RIMS2: variants seen among roughly 807,000 people sequenced by gnomAD.
The protein encoded by RIMS2 is regulating synaptic membrane exocytosis protein 2.
Under a neutral mutation model 174.4 loss-of-function variants are expected in RIMS2, and 59 were observed. That is an observed-to-expected ratio of 0.34 (90% confidence interval 0.27 to 0.42). The LOEUF (loss-of-function observed/expected upper bound fraction) is 0.42. RIMS2 is among the 10% of genes least tolerant of loss of function. RIMS2 has a pLI of 1.00. For synonymous variants in RIMS2, 606 were observed against 572.5 expected (o/e 1.06, Z -0.84); for missense variants, 1,620 against 1,666.3 (o/e 0.97, Z 0.48).
At chr8:103,590,186 T>C (rs2094180465) in intron 1 of RIMS2, among the ~76,000 whole-genome samples, 1 of 151,376 alleles carries the variant, frequency 6.6e-6, no homozygotes, top group Non-Finnish European at 1.5e-5. Flanking sequence ...AAACATATCA[T>C]GTATCCCATA....
At chr8:103,859,633 G>C (rs2099047927) in intron 3 of RIMS2, among the ~76,000 whole-genome samples, 1 of 151,878 alleles carries the variant, frequency 6.6e-6, no homozygotes, top group Non-Finnish European at 1.5e-5. Flanking sequence ...GGAAAGGAGT[G>C]TTTATCTAGT....
intron 19 of RIMS2, among the ~76,000 whole-genome samples, chr8:104,085,243 C>T (rs1192477174): frequency 6.6e-6 from 1 of 152,208 alleles, no homozygotes. Flanking sequence ...TCCTATTCTC[C>T]TTTCTTAGAG....
intron 19 of RIMS2, among the ~76,000 whole-genome samples, chr8:104,019,830 A>G (rs918983714): frequency 2.6e-5 from 4 of 152,158 alleles, no homozygotes; most frequent in Admixed American, 6.5e-5. Context: ...TGTATCTCAT[A>G]TAGTCCATAC....
At chr8:104,184,957 A>G (rs2098960393) in intron 19 of RIMS2, among the ~76,000 whole-genome samples, 1 of 151,426 alleles carries the variant, frequency 6.6e-6, no homozygotes, top group Non-Finnish European at 1.5e-5. Flanking sequence ...GGTCTATGGA[A>G]TGCTTTTTTG....
intron 14 of RIMS2, among the ~76,000 whole-genome samples, chr8:103,955,221 A>G (rs985986169): frequency 1.3e-5 from 2 of 152,218 alleles, no homozygotes; most frequent in South Asian, 4.1e-4. Context: ...AACAGTAGAA[A>G]AAGAGGGAAT....
chr8:104,014,721 T>C, intron 19 of RIMS2, 106 bp downstream of exon 21: 1 of 613,812 alleles, frequency 1.6e-6, no homozygotes, highest in East Asian at 2.8e-5. Context: ...TTGTTAATTG[T>C]ATGCCTTGTC....
In RIMS2 at chr8:103,966,977, A is replaced by C. The variant is rs145712856; in HGVS notation, c.2770+5844A>C. On this transcript the variant is annotated intron_variant, in intron 15 of 23. Transcript: ENST00000504942. ...AGAGCAGCATTGTATGTTTTAAAAA[A>C]TTTGCTAAGGTGTGTTTTATGGCCC... Among the ~76,000 whole-genome samples, 353 of 152,018 alleles carry C rather than the reference A, an allele frequency of 2.3e-3. 2 individuals are homozygous for C. Among genetic ancestry groups the C allele is most frequent in the African/African-American group, 8.1e-3 (336 of 41,474 alleles).
chr8:103,874,059 C>T (rs545291115), intron 3 of RIMS2, among the ~76,000 whole-genome samples: 4 of 151,978 alleles, frequency 2.6e-5, no homozygotes, highest in Admixed American at 6.6e-5. Flanking sequence ...TCCTGTAAAG[C>T]GACCTAGAAC....
chr8:103,863,403 G>A (rs909140693), intron 3 of RIMS2, among the ~76,000 whole-genome samples: 5 of 151,970 alleles, frequency 3.3e-5, no homozygotes, highest in African/African-American at 9.7e-5. Context: ...ATATTGGCCC[G>A]AAGTTTTCTT....
chr8:104,132,566 A>C (rs1163943429), intron 19 of RIMS2, among the ~76,000 whole-genome samples: 1 of 152,198 alleles, frequency 6.6e-6, no homozygotes, highest in Non-Finnish European at 1.5e-5. Flanking sequence ...GAAAGCAAAA[A>C]TGTTGACCGG....
chr8:103,573,309 C>G lies in RIMS2; in HGVS notation c.176+72247C>G, dbSNP rs1428135368. On this transcript the variant is annotated intron_variant, in intron 1 of 23. Transcript: ENST00000504942. ...GAACTCCTGACCTCAAGTGATCCAC[C>G]TGTATCAGCCTCCAAAAGTGTTGGG... 3.9e-5 allele frequency among the ~76,000 whole-genome samples: 6 copies of G among 152,208 alleles called. No homozygotes were observed. The East Asian group carries it at 1.2e-3, about 29-fold the overall frequency.
intron 1 of RIMS2, among the ~76,000 whole-genome samples, chr8:103,571,858 C>T (rs1305764420): frequency 6.6e-6 from 1 of 152,134 alleles, no homozygotes; most frequent in Non-Finnish European, 1.5e-5. Context: ...GTCTGTTCTG[C>T]AACTGGGAAA....
intron 1 of RIMS2, among the ~76,000 whole-genome samples, chr8:103,544,955 G>C (rs1055337569): frequency 2.0e-5 from 3 of 152,162 alleles, no homozygotes; most frequent in African/African-American, 7.2e-5. Context: ...AAAAACCAGT[G>C]CAAGAACTCT....
At chr8:103,788,993 T>G (rs1311190890) in intron 3 of RIMS2, among the ~76,000 whole-genome samples, 2 of 152,156 alleles carry the variant, frequency 1.3e-5, no homozygotes, top group Non-Finnish European at 2.9e-5. Context: ...TTTTAAGCCC[T>G]TCGGAAAAGC....
At chr8:103,891,436 A>G (rs756279391) in intron 4 of RIMS2, among the ~76,000 whole-genome samples, 1 of 152,072 alleles carries the variant, frequency 6.6e-6, no homozygotes, top group Non-Finnish European at 1.5e-5. Context: ...TGAACTTTTC[A>G]TTAGATATAT....
In RIMS2 at chr8:103,697,067, T is replaced by C. The variant is rs746338269; in HGVS notation, c.177-19T>C. 6.3e-7 allele frequency: 1 copy of C among 1,582,078 alleles called. No individual in the cohort carries two copies. Among genetic ancestry groups the C allele is most frequent in the Admixed American group, 1.7e-5 (1 of 59,662 alleles). ...ATCATCAGGAAACCAACTTTTTTTC[T>C]TATCTATTTTCTCTGCAGAAAACTG... On this transcript the variant is annotated intron_variant, in intron 1 of 23. Transcript: ENST00000504942.
At chr8:104,124,740 C>T (rs1331729494) in intron 19 of RIMS2, among the ~76,000 whole-genome samples, 1 of 151,926 alleles carries the variant, frequency 6.6e-6, no homozygotes, top group Non-Finnish European at 1.5e-5. Context: ...GGCTTTTTGC[C>T]CAGATGCCTT....
At chr8:103,635,132 CTTGT>C (rs1372454976) in intron 1 of RIMS2, among the ~76,000 whole-genome samples, 4 of 152,050 alleles carry the variant, frequency 2.6e-5, no homozygotes, top group African/African-American at 9.7e-5. Context: ...TATTATGTTG[CTTGT>C]TTGTGTGGCT....
At chr8:104,143,756 C>T (rs1327579620) in intron 19 of RIMS2, among the ~76,000 whole-genome samples, 1 of 152,188 alleles carries the variant, frequency 6.6e-6, no homozygotes, top group African/African-American at 2.4e-5. Context: ...TATTTTCTGT[C>T]CCTGTGCCAC....
Sources: allele counts gnomAD v4.1 joint callset (sites outside exome capture counted in the v4.1 genomes callset), GRCh38; gene constraint gnomAD v4.1.1; transcripts MANE v1.5; gene names NCBI Gene and HGNC (gene_info 2026-07-23, HGNC 2026-07-21).